The following IL1RAPL1 variants were observed in gnomAD, a reference collection of about 807,000 sequenced individuals.
The protein encoded by IL1RAPL1 is interleukin-1 receptor accessory protein-like 1.
Under a neutral mutation model 48.4 loss-of-function variants are expected in IL1RAPL1, and 3 were observed. That is an observed-to-expected ratio of 0.06 (90% CI 0.03 to 0.16). IL1RAPL1 has a LOEUF of 0.16. Among genes scored for constraint, IL1RAPL1 ranks in the 10% least tolerant of loss-of-function variants. IL1RAPL1 has a pLI of 1.00. For missense variants in IL1RAPL1, 349 were observed against 530.6 expected, an observed-to-expected ratio of 0.66 and a Z score of 3.36; for synonymous variants, 185 against 187.7, an observed-to-expected ratio of 0.99 and a Z score of 0.12.
At chrX:29,939,387 A>G (rs944224035) in intron 8 of IL1RAPL1, among the ~76,000 whole-genome samples, 2 of 112,179 alleles carry the variant, frequency 1.8e-5, no homozygotes, top group Admixed American at 1.9e-4. Flanking sequence ...TTCCTGATGT[A>G]TAAATCACCC....
intron 5 of IL1RAPL1, among the ~76,000 whole-genome samples, chrX:29,605,363 A>C (rs1322374530): frequency 9.0e-6 from 1 of 111,404 alleles, no homozygotes; most frequent in African/African-American, 3.3e-5. Context: ...GGTGTAATTT[A>C]TAACCCACTA....
At chrX:29,459,516 C>T (rs138271149) in intron 5 of IL1RAPL1, among the ~76,000 whole-genome samples, 1,202 of 110,854 alleles carry the variant, frequency 0.011, 13 homozygotes, top group African/African-American at 0.038. Context: ...TGTAAACAAG[C>T]GAGCGGATTG....
intron 5 of IL1RAPL1, among the ~76,000 whole-genome samples, chrX:29,648,584 G>A (rs1925417630): frequency 9.0e-6 from 1 of 111,685 alleles, no homozygotes; most frequent in African/African-American, 3.3e-5. Flanking sequence ...AATTTTTTAA[G>A]ACAAATAAAA....
chrX:29,478,033 T>G (rs936374249), intron 5 of IL1RAPL1, among the ~76,000 whole-genome samples: 1 of 111,212 alleles, frequency 9.0e-6, no homozygotes, highest in African/African-American at 3.3e-5. Context: ...CAAGATAATT[T>G]TACCCTCACA....
chrX:28,735,432 A>T (rs1331830828), intron 1 of IL1RAPL1, among the ~76,000 whole-genome samples: 2 of 110,828 alleles, frequency 1.8e-5, no homozygotes, highest in African/African-American at 6.6e-5. Context: ...CAATCTATAG[A>T]ATATTTTTCA....
At chrX:29,837,137 C>T (rs112870971) in intron 6 of IL1RAPL1, among the ~76,000 whole-genome samples, 2,578 of 105,825 alleles carry the variant, frequency 0.024, 82 homozygotes, top group African/African-American at 0.083. Flanking sequence ...GTGGCGGGCA[C>T]CTGTAGTCCC....
intron 5 of IL1RAPL1, among the ~76,000 whole-genome samples, chrX:29,526,265 A>G (rs1265563338): frequency 9.0e-6 from 1 of 111,536 alleles, no homozygotes; most frequent in African/African-American, 3.3e-5. Flanking sequence ...GATTTAATAC[A>G]CTCCAACACC....
At chrX:29,148,906 A>G (rs1463960076) in intron 2 of IL1RAPL1, among the ~76,000 whole-genome samples, 1 of 111,516 alleles carries the variant, frequency 9.0e-6, no homozygotes, top group Non-Finnish European at 1.9e-5. Flanking sequence ...TCTTTTTTGT[A>G]TAATCCTTTA....
At chrX:29,942,620 T>A (rs1933149297) in intron 9 of IL1RAPL1, among the ~76,000 whole-genome samples, 1 of 94,932 alleles carries the variant, frequency 1.1e-5, no homozygotes, top group African/African-American at 3.6e-5. Flanking sequence ...TTCTTCATCA[T>A]TTTTTTTTTT....
intron 6 of IL1RAPL1, among the ~76,000 whole-genome samples, chrX:29,816,639 G>T (rs1370485512): frequency 9.0e-6 from 1 of 110,541 alleles, no homozygotes; most frequent in Non-Finnish European, 1.9e-5. Flanking sequence ...AAGACTATAG[G>T]CCAATATCTC....
chrX:29,720,718 G>T (rs949126283), intron 6 of IL1RAPL1, among the ~76,000 whole-genome samples: 1 of 110,979 alleles, frequency 9.0e-6, no homozygotes, highest in African/African-American at 3.3e-5. Context: ...AAACCTGCAC[G>T]TTCTGCACAT....
chrX:28,920,334 T>A (rs1206294273), intron 2 of IL1RAPL1, among the ~76,000 whole-genome samples: 1 of 111,878 alleles, frequency 8.9e-6, no homozygotes, highest in East Asian at 2.8e-4. Flanking sequence ...CTGCTCTGAA[T>A]CTTCCTCGGT....
intron 2 of IL1RAPL1, among the ~76,000 whole-genome samples, chrX:29,123,870 A>G (rs1033991788): frequency 8.9e-6 from 1 of 111,877 alleles, no homozygotes; most frequent in Non-Finnish European, 1.9e-5. Flanking sequence ...ATTAATTTTA[A>G]TATTGATTAC....
At chrX:28,844,234 GGAACGTAAACCCCCACCA>G (rs1921450139) in intron 2 of IL1RAPL1, among the ~76,000 whole-genome samples, 3 of 104,834 alleles carry the variant, frequency 2.9e-5, no homozygotes, top group Non-Finnish European at 3.9e-5. Flanking sequence ...AGGTGGGAAC[GGAACGTAAACCCCCACCA>G]AATTTGAATT....
intron 5 of IL1RAPL1, among the ~76,000 whole-genome samples, chrX:29,427,251 A>G (rs772329124): frequency 8.9e-6 from 1 of 111,791 alleles, no homozygotes. Flanking sequence ...AGTAACAGGC[A>G]TAAGACTGAA....
chrX:29,719,743 CAAAAAAAAAAAAAA>C (rs372308075), intron 6 of IL1RAPL1, among the ~76,000 whole-genome samples: 1 of 21,884 alleles, frequency 4.6e-5, no homozygotes, highest in African/African-American at 1.3e-4. Flanking sequence ...GAAAGATGAG[CAAAAAAAAAAAAAA>C]AAAAAAAAAA....
At chrX:29,693,599 T>C (rs1031866024) in intron 6 of IL1RAPL1, among the ~76,000 whole-genome samples, 1 of 112,214 alleles carries the variant, frequency 8.9e-6, no homozygotes, top group Non-Finnish European at 1.9e-5. Flanking sequence ...AGAGGATTTA[T>C]GAGCTTGAGC....
chrX:29,896,809 A>G (rs115689239), intron 6 of IL1RAPL1, among the ~76,000 whole-genome samples: 19,972 of 109,922 alleles, frequency 0.18, 1,354 homozygotes, highest in Middle Eastern at 0.22. Flanking sequence ...CTTTATGTCA[A>G]TGAGGCAAGT....
intron 6 of IL1RAPL1, among the ~76,000 whole-genome samples, chrX:29,827,071 C>T (rs1267276529): frequency 8.9e-6 from 1 of 112,171 alleles, no homozygotes; most frequent in East Asian, 2.8e-4. Flanking sequence ...GGAATAGCAA[C>T]TCACTGTGGT....
Sources: allele counts gnomAD v4.1 joint callset (sites outside exome capture counted in the v4.1 genomes callset), GRCh38; gene constraint gnomAD v4.1.1; transcripts MANE v1.5; gene names NCBI Gene and HGNC (gene_info 2026-07-23, HGNC 2026-07-21).